Variants in TSNAXIP1 observed in about 807,000 individuals in gnomAD.
TSNAXIP1 encodes the protein translin associated factor X interacting protein 1.
Under a neutral mutation model 84.8 loss-of-function variants are expected in TSNAXIP1, and 89 were observed. That is an observed-to-expected ratio of 1.05 (90% CI 0.88 to 1.25). TSNAXIP1 has a LOEUF of 1.25. Among genes scored for constraint, TSNAXIP1 ranks in the 50% most tolerant of loss-of-function variants. The pLI is 0.00. For missense variants in TSNAXIP1, 874 were observed against 887.6 expected (o/e 0.98, Z 0.20); for synonymous variants, 347 against 335.2 (o/e 1.04, Z -0.39).
intron 5 of TSNAXIP1, 107 bp downstream of exon 5, chr16:67,823,826 G>A: frequency 2.3e-6 from 2 of 878,674 alleles, no homozygotes; most frequent in Non-Finnish European, 3.6e-6. Context: ...AGACCAGCCT[G>A]GCCAACATGG....
chr16:67,818,351 A>C (rs1170613829), intron 2 of TSNAXIP1, among the ~76,000 whole-genome samples: 2 of 152,118 alleles, frequency 1.3e-5, no homozygotes, highest in African/African-American at 4.8e-5. Flanking sequence ...TCATCTCTAC[A>C]AAAAAGATTT....
chr16:67,807,317 G>C (rs956388333), intron 1 of TSNAXIP1, 121 bp downstream of exon 1: 18 of 1,534,368 alleles, frequency 1.2e-5, no homozygotes, highest in Non-Finnish European at 1.6e-5. Context: ...TAGGGCTCCA[G>C]CACCACAGAG....
intron 2 of TSNAXIP1, among the ~76,000 whole-genome samples, chr16:67,818,069 C>A (rs1161580712): frequency 6.6e-6 from 1 of 150,838 alleles, no homozygotes; most frequent in Non-Finnish European, 1.5e-5. Context: ...ATTAGCTGGG[C>A]GTGGTGGCAT....
chr16:67,812,753 G>C (rs1160791674), intron 1 of TSNAXIP1, among the ~76,000 whole-genome samples: 1 of 151,908 alleles, frequency 6.6e-6, no homozygotes, highest in Non-Finnish European at 1.5e-5. Flanking sequence ...ATCACCTGAG[G>C]TCAGGAGTTT....
chr16:67,812,102 G>C (rs959327020), intron 1 of TSNAXIP1, among the ~76,000 whole-genome samples: 1 of 152,204 alleles, frequency 6.6e-6, no homozygotes, highest in South Asian at 2.1e-4. Context: ...TAAGCGGCAT[G>C]CCCAAAATCA....
rs1014826422 is a variant in TSNAXIP1, at chr16:67,807,936, G to A, written c.47+740G>A. Among the ~76,000 whole-genome samples, 13 of 152,242 alleles carry A rather than the reference G, an allele frequency of 8.5e-5. No individual in the cohort carries two copies. In the South Asian group the frequency reaches 1.2e-3, roughly 15 times the overall value. On this transcript the variant is annotated intron_variant, in intron 1 of 15. Transcript: ENST00000561639. ...CTCTGGGTACTGCAAAATATGACCA[G>A]CTCCATCAGCCTGGAGAGCCATACA...
chr16:67,827,357 C>T lies in TSNAXIP1; in HGVS notation c.1773C>T (p.Tyr591=), dbSNP rs2057539120. 1 of 1,614,230 alleles carries T rather than the reference C, an allele frequency of 6.2e-7. No homozygotes were observed. Among genetic ancestry groups the T allele is most frequent in the Non-Finnish European group, 8.5e-7 (1 of 1,180,048 alleles). The change falls in exon 14 of 16, where the codon TAC becomes TAT. Residue 591 remains tyrosine (Y), a synonymous_variant. Coordinates refer to ENST00000561639, the MANE Select transcript of TSNAXIP1 (RefSeq NM_001288990.3). ...GCAGCAATGCAGACTTGCTCAACTA[C>T]CGCTCACTGTTTATGGAGGTGGGTG... ...PSSSNADLLN[Y]RSLFMEDEEG...
At position 67,826,424 on chromosome 16, in the gene TSNAXIP1, T is replaced by G; in HGVS notation, c.1276-13T>G. ...AGATGGGTCCAGAGATGAGCTGATA[T>G]CCTCCCTCCTAGGGCTATGGGGAAG... is the stretch of plus-strand genomic sequence containing the variant. On this transcript the variant is annotated splice_polypyrimidine_tract_variant and intron_variant, in intron 10 of 15. Coordinates refer to ENST00000561639, the MANE Select transcript of TSNAXIP1 (RefSeq NM_001288990.3). 1.2e-6 allele frequency: 2 copies of G among 1,613,080 alleles called. No individual in the cohort carries two copies. Among genetic ancestry groups the G allele is most frequent in the Non-Finnish European group, 1.7e-6 (2 of 1,179,940 alleles).
In TSNAXIP1 at chr16:67,826,456, C is replaced by T. The variant is rs763142409; in HGVS notation, c.1295C>T (p.Pro432Leu). The T allele has an allele frequency of 2.6e-5, 42 of 1,613,938 alleles. No homozygotes were observed. Among genetic ancestry groups the T allele is most frequent in the Non-Finnish European group, 3.6e-5 (42 of 1,180,020 alleles). The change falls in exon 11 of 16, where the codon CCT (proline) becomes CTT (leucine). Residue 432 changes from proline (P) to leucine (L), a missense_variant. By Grantham distance (98) the Pro-to-Leu change is moderately conservative. Transcript: ENST00000561639. ...TCCTAGGGCTATGGGGAAGCCATCC[C>T]TGCTTTTCTTCGGTTTGATGGCCTC... Reference protein sequence around the residue: ...FPGLGYGEAIPAFLRFDGLVE... With the variant: ...FPGLGYGEAILAFLRFDGLVE...
At chr16:67,825,317 T>C (rs1250269059) in intron 7 of TSNAXIP1, 45 bp downstream of exon 7, 1 of 1,607,858 alleles carries the variant, frequency 6.2e-7, no homozygotes, top group South Asian at 1.1e-5. Context: ...TCTGAGACGC[T>C]GGAAGACTCT....
intron 4 of TSNAXIP1, among the ~76,000 whole-genome samples, chr16:67,822,104 C>T (rs953844272): frequency 2.0e-5 from 3 of 151,030 alleles, no homozygotes; most frequent in Non-Finnish European, 2.9e-5. Flanking sequence ...TGGTGAAACC[C>T]CGTCTCTACT....
intron 6 of TSNAXIP1, 147 bp from the exon 7 acceptor site, chr16:67,824,990 C>T: frequency 7.9e-7 from 1 of 1,258,780 alleles, no homozygotes; most frequent in Non-Finnish European, 1.1e-6. Context: ...GCCGAATTCT[C>T]AGAAATGGCC....
At chr16:67,807,372 G>A (rs914997417) in intron 1 of TSNAXIP1, 176 bp downstream of exon 1, 4 of 1,531,628 alleles carry the variant, frequency 2.6e-6, no homozygotes, top group African/African-American at 2.7e-5. Context: ...AAGACGTTAC[G>A]TGCTAGCAAA....
At chr16:67,818,219 A>G (rs2056756314) in intron 2 of TSNAXIP1, among the ~76,000 whole-genome samples, 1 of 152,040 alleles carries the variant, frequency 6.6e-6, no homozygotes, top group Non-Finnish European at 1.5e-5. Flanking sequence ...AAAAAAATAA[A>G]TAAATAAAAT....
Position 67,807,052 on chromosome 16 carries a change from G to A in TSNAXIP1, c.-98G>A, listed in dbSNP as rs541826417. On this transcript the variant is annotated 5_prime_UTR_variant, in exon 1 of 16. Transcript: ENST00000561639. ...GCGCATCCCTGACTCCGCCCCCGCCGCGGGGGGGCCTCTGGGGCCTGGTCG... is the reference window on the plus strand; with the variant it reads ...GCGCATCCCTGACTCCGCCCCCGCCACGGGGGGGCCTCTGGGGCCTGGTCG... The A allele has an allele frequency of 2.0e-6, 3 of 1,486,186 alleles. No individual in the cohort carries two copies. Among genetic ancestry groups the A allele is most frequent in the Non-Finnish European group, 8.9e-7 (1 of 1,121,698 alleles). The allele number at this position is 1,486,186 out of a possible 1,614,324, so 92.1% of individuals were successfully genotyped here. A position where few individuals can be genotyped will look rare whatever the true frequency, so the allele number is the denominator to read the frequency against.
At chr16:67,811,197 C>A (rs1226247528) in intron 1 of TSNAXIP1, among the ~76,000 whole-genome samples, 4 of 151,824 alleles carry the variant, frequency 2.6e-5, no homozygotes, top group Admixed American at 6.6e-5. Flanking sequence ...CCATCACGCC[C>A]AAGCCCAAGC....
chr16:67,808,684 G>T (rs1195359265), intron 1 of TSNAXIP1, among the ~76,000 whole-genome samples: 1 of 152,112 alleles, frequency 6.6e-6, no homozygotes, highest in Non-Finnish European at 1.5e-5. Flanking sequence ...GGCAGAGGTT[G>T]CAGTGAGCCA....
chr16:67,828,013 G>C lies in TSNAXIP1; in HGVS notation c.*20G>C. 3 of 1,610,758 alleles carry C rather than the reference G, an allele frequency of 1.9e-6. No individual in the cohort carries two copies. The highest frequency in any genetic ancestry group is 2.5e-6 in the Non-Finnish European group (3 of 1,178,758). On this transcript the variant is annotated 3_prime_UTR_variant, in exon 16 of 16. Coordinates refer to ENST00000561639, the MANE Select transcript of TSNAXIP1 (RefSeq NM_001288990.3). ...AGCTAGGAACTTGTGGGCAGCCTGC[G>C]TACTCCAGTCCTGCTAACCCCTAGC...
chr16:67,826,217 G>A lies in TSNAXIP1; in HGVS notation c.1210G>A (p.Val404Met), dbSNP rs753897384. ...TGAGGGCAAGAACAGCGACCAGCTG[G>A]TGGACGTGCTCCTGGAAGAGATTGG... ...LAEGKNSDQL[V>M]DVLLEEIGSG... The change falls in exon 10 of 16, where the codon GTG (valine) becomes ATG (methionine). Residue 404 changes from valine to methionine, a missense_variant. By Grantham distance (21) the Val-to-Met change is conservative (BLOSUM62 1). Transcript: ENST00000561639. 6.2e-7 allele frequency: 1 copy of A among 1,606,188 alleles called. No homozygotes were observed. Among genetic ancestry groups the A allele is most frequent in the Non-Finnish European group, 8.5e-7 (1 of 1,175,160 alleles).
Sources: allele counts gnomAD v4.1 joint callset (sites outside exome capture counted in the v4.1 genomes callset), GRCh38; gene constraint gnomAD v4.1.1; transcripts MANE v1.5; gene names NCBI Gene and HGNC (gene_info 2026-07-23, HGNC 2026-07-21).